ATP8A1: variants seen among roughly 807,000 people sequenced by gnomAD.
ATP8A1 encodes the protein phospholipid-transporting ATPase IA.
A neutral mutation model predicts 177.7 loss-of-function variants in ATP8A1; 90 were observed. That is an observed-to-expected ratio of 0.51 (90% CI 0.43 to 0.60). The LOEUF is 0.60. Ranked by LOEUF, ATP8A1 falls within the 20% of genes least tolerant of loss-of-function variation. The pLI is 0.00. For missense variants in ATP8A1, 1,072 were observed against 1,392.8 expected, an observed-to-expected ratio of 0.77 and a Z score of 3.67; for synonymous variants, 493 against 485.9, an observed-to-expected ratio of 1.01 and a Z score of -0.19.
rs184500297 is a variant in ATP8A1 at position 42,635,400 on chromosome 4, C to T, written c.50-8291G>A. On this transcript the variant is annotated intron_variant, in intron 1 of 36. Coordinates refer to ENST00000381668, the MANE Select transcript of ATP8A1 (RefSeq NM_006095.2). ...ATTTAGGAGAGTGCAATTATATAAC[C>T]TTTCACTCAATGGTTTCCAATATTA... Among the ~76,000 whole-genome samples the T allele has an allele frequency of 8.6e-5, 13 of 152,022 alleles. No homozygotes were observed. The East Asian group carries it at 2.3e-3, about 27-fold the overall frequency.
chr4:42,650,994 A>G (rs1376208396), intron 1 of ATP8A1, among the ~76,000 whole-genome samples: 2 of 152,174 alleles, frequency 1.3e-5, no homozygotes, highest in Non-Finnish European at 2.9e-5. Flanking sequence ...GGAACCCAGT[A>G]GGAGGAAACT....
At position 42,409,678 on chromosome 4, in the gene ATP8A1, A is replaced by C. The variant is rs943300959; in HGVS notation, c.*3238T>G. The C allele has an allele frequency of 6.6e-6, 1 of 152,180 alleles. No individual in the cohort carries two copies. Among genetic ancestry groups the C allele is most frequent in the Admixed American group, 6.5e-5 (1 of 15,282 alleles). 9.4% of individuals were successfully genotyped at this position (152,180 alleles called of 1,614,324 possible). On this transcript the variant is annotated 3_prime_UTR_variant, in exon 37 of 37. Transcript: ENST00000381668. Reference sequence around the variant, plus strand: ...TTGTAGTAATTATGACATTGTCATAATTTTAAAACTATGAATAATACAATC... The same window carrying C: ...TTGTAGTAATTATGACATTGTCATACTTTTAAAACTATGAATAATACAATC...
chr4:42,548,750 T>C (rs1237970221), intron 19 of ATP8A1, among the ~76,000 whole-genome samples: 1 of 152,142 alleles, frequency 6.6e-6, no homozygotes, highest in Non-Finnish European at 1.5e-5. Context: ...CATTCTACTC[T>C]TTACCTCCAT....
At chr4:42,578,907 A>G (rs9996855) in intron 11 of ATP8A1, among the ~76,000 whole-genome samples, 134,535 of 152,026 alleles carry the variant, frequency 0.88, 59,967 homozygotes, top group East Asian at 0.97. Flanking sequence ...AGATACAATT[A>G]TAAAGTATAC....
At chr4:42,637,999 TG>T (rs1177706924) in intron 1 of ATP8A1, among the ~76,000 whole-genome samples, 1 of 152,224 alleles carries the variant, frequency 6.6e-6, no homozygotes, top group Non-Finnish European at 1.5e-5. Context: ...GTACAGAGGA[TG>T]GGACAGGCAC....
chr4:42,506,737 C>A (rs1341340604), intron 23 of ATP8A1, among the ~76,000 whole-genome samples: 4 of 152,174 alleles, frequency 2.6e-5, no homozygotes, highest in Non-Finnish European at 4.4e-5. Context: ...AAATTAGCAA[C>A]CTTCTTCTTT....
At chr4:42,556,665 C>T (rs1230929704) in intron 15 of ATP8A1, among the ~76,000 whole-genome samples, 6 of 151,948 alleles carry the variant, frequency 3.9e-5, no homozygotes, top group South Asian at 2.1e-4. Flanking sequence ...GTACTTCATA[C>T]GATATAAATG....
intron 31 of ATP8A1, among the ~76,000 whole-genome samples, 197 bp downstream of exon 31, chr4:42,446,386 G>A (rs1314796974): frequency 6.6e-6 from 1 of 151,970 alleles, no homozygotes; most frequent in Admixed American, 6.6e-5. Context: ...CTATCATTCA[G>A]TTATTTTATT....
chr4:42,422,966 T>A, intron 34 of ATP8A1, 67 bp from the exon 35 acceptor site: 1 of 1,258,394 alleles, frequency 7.9e-7, no homozygotes, highest in African/African-American at 1.5e-5. Context: ...AAACTAGATG[T>A]CTGGCTTATT....
At chr4:42,469,839 T>C (rs1428326955) in intron 25 of ATP8A1, among the ~76,000 whole-genome samples, 3 of 112,394 alleles carry the variant, frequency 2.7e-5, no homozygotes, top group Non-Finnish European at 2.1e-5. Context: ...GCTTCTAGAT[T>C]CATACAATTT....
At chr4:42,567,970 AGAATT>A (rs1384882988) in intron 15 of ATP8A1, among the ~76,000 whole-genome samples, 1 of 152,240 alleles carries the variant, frequency 6.6e-6, no homozygotes, top group Admixed American at 6.5e-5. Context: ...TAAAATTAAT[AGAATT>A]ATGTTAATGT....
intron 27 of ATP8A1, among the ~76,000 whole-genome samples, chr4:42,458,839 G>A (rs1253128867): frequency 6.6e-6 from 1 of 152,134 alleles, no homozygotes; most frequent in African/African-American, 2.4e-5. Flanking sequence ...TCCTGATGGA[G>A]CATTTCTGCA....
intron 32 of ATP8A1, 118 bp downstream of exon 32, chr4:42,444,459 TG>T (rs1716992500): frequency 2.1e-6 from 2 of 936,694 alleles, no homozygotes; most frequent in East Asian, 5.3e-5. Flanking sequence ...ATTGAAAACC[TG>T]TGGACTAGGA....
At chr4:42,568,486 A>C (rs1731574449) in intron 15 of ATP8A1, among the ~76,000 whole-genome samples, 1 of 152,228 alleles carries the variant, frequency 6.6e-6, no homozygotes, top group Admixed American at 6.5e-5. Flanking sequence ...ATATCAAAAT[A>C]AATCTGCACT....
At chr4:42,545,700 A>G (rs1728836592) in intron 19 of ATP8A1, among the ~76,000 whole-genome samples, 1 of 152,122 alleles carries the variant, frequency 6.6e-6, no homozygotes, top group South Asian at 2.1e-4. Flanking sequence ...TTGCCCGGGT[A>G]TGGTGGCTTA....
chr4:42,459,807 T>C (rs769965155), intron 27 of ATP8A1, among the ~76,000 whole-genome samples: 2 of 152,160 alleles, frequency 1.3e-5, no homozygotes, highest in Admixed American at 6.5e-5. Flanking sequence ...TTTATTTTTT[T>C]GAGACAGAGT....
At chr4:42,565,877 T>C (rs1443713324) in intron 15 of ATP8A1, among the ~76,000 whole-genome samples, 1 of 152,220 alleles carries the variant, frequency 6.6e-6, no homozygotes, top group Non-Finnish European at 1.5e-5. Context: ...TAAGAATAAA[T>C]AGATTTTCCC....
At chr4:42,535,474 T>C (rs531551599) in intron 20 of ATP8A1, among the ~76,000 whole-genome samples, 1 of 152,224 alleles carries the variant, frequency 6.6e-6, no homozygotes, top group Admixed American at 6.5e-5. Context: ...CAATTAGTAC[T>C]AGACTTATGA....
chr4:42,438,378 A>G (rs1716239630), intron 33 of ATP8A1, among the ~76,000 whole-genome samples: 1 of 152,210 alleles, frequency 6.6e-6, no homozygotes, highest in Admixed American at 6.5e-5. Context: ...GCTGAGTGGC[A>G]ACCATTCGTT....
Sources: gnomAD v4.1 joint callset for allele counts (sites outside exome capture counted in the v4.1 genomes callset) on GRCh38, gnomAD v4.1.1 for gene constraint, MANE v1.5 for transcripts, NCBI Gene and HGNC (gene_info 2026-07-23, HGNC 2026-07-21) for gene names.